EP400: variants seen among roughly 807,000 people sequenced by gnomAD.
EP400 encodes E1A-binding protein p400.
In EP400, 105 loss-of-function variants were observed where a neutral mutation model predicts 354.1. The ratio of observed to expected loss-of-function variants is 0.30; its 90% CI spans 0.25 to 0.35. EP400 has a LOEUF of 0.35. Among genes scored for constraint, EP400 ranks in the 10% least tolerant of loss-of-function variants. The pLI is 1.00. For synonymous variants in EP400, 1,646 were observed against 1,716.9 expected, an observed-to-expected ratio of 0.96 and a Z score of 1.02; for missense variants, 3,280 against 4,121.0, an observed-to-expected ratio of 0.80 and a Z score of 5.59.
chr12:131,990,769 C>T lies in EP400; in HGVS notation c.2629+55C>T. On this transcript the variant is annotated intron_variant, in intron 9 of 52. Coordinates refer to ENST00000389561, the MANE Select transcript of EP400 (RefSeq NM_015409.5). This position sits in a 1 kb window ranked among gnomAD's most constrained non-coding sequence, Gnocchi z 4.2. ...GCTTGGGTGGTATTTTGTTCGGATTCTTTTCTCAGCAGGCAGTCTCCTGGC... is the reference window on the plus strand; with the variant it reads ...GCTTGGGTGGTATTTTGTTCGGATTTTTTTCTCAGCAGGCAGTCTCCTGGC... 1 of 1,351,900 alleles carries T rather than the reference C, an allele frequency of 7.4e-7. No homozygotes were observed. The highest frequency in any genetic ancestry group is 1.5e-5 in the African/African-American group (1 of 68,620). The allele number at this position is 1,351,900 out of a possible 1,614,324, so 83.7% of individuals were successfully genotyped here. A position where few individuals can be genotyped will look rare whatever the true frequency, so the allele number is the denominator to read the frequency against.
At chr12:132,005,873 G>C (rs1369965585) in intron 13 of EP400, among the ~76,000 whole-genome samples, 2 of 152,170 alleles carry the variant, frequency 1.3e-5, no homozygotes, top group East Asian at 3.8e-4. Flanking sequence ...ACTATTTGGG[G>C]CAAATTATAC....
At chr12:132,023,266 C>G (rs1159786768) in intron 23 of EP400, among the ~76,000 whole-genome samples, 1 of 139,152 alleles carries the variant, frequency 7.2e-6, no homozygotes, top group East Asian at 2.1e-4. Context: ...GTGTGTAGCT[C>G]GGATTACAGG....
At position 132,025,182 on chromosome 12, in the gene EP400, A is replaced by G. The variant is rs1463692516; in HGVS notation, c.4856-464A>G. ...GATGACCTGGGAAACTATCTTCTCC[A>G]GAGTAAAAGAAGTCAGAAAGATGTA... On this transcript the variant is annotated intron_variant, in intron 24 of 52. Coordinates refer to ENST00000389561, the MANE Select transcript of EP400 (RefSeq NM_015409.5). The surrounding 1 kb of genome is among the most constrained non-coding windows in gnomAD (Gnocchi z 4.1). Among the ~76,000 whole-genome samples, 1 of 152,184 alleles carries G rather than the reference A, an allele frequency of 6.6e-6. No homozygotes were observed. Among genetic ancestry groups the G allele is most frequent in the Admixed American group, 6.5e-5 (1 of 15,276 alleles).
At chr12:132,005,619 C>T (rs906668536) in intron 13 of EP400, among the ~76,000 whole-genome samples, 6 of 152,110 alleles carry the variant, frequency 3.9e-5, no homozygotes, top group Non-Finnish European at 8.8e-5. Context: ...CACCTGCATG[C>T]GAGTTGGGGA....
At position 131,979,674 on chromosome 12, in the gene EP400, T is replaced by A. The variant is rs1050769530; in HGVS notation, c.1336-20T>A. ...TGGCCTTCAGTGATCAAAATCTCATTTTTTCATCTTTTTTCCCAGCAGCAA... is the reference window on the plus strand; with the variant it reads ...TGGCCTTCAGTGATCAAAATCTCATATTTTCATCTTTTTTCCCAGCAGCAA... On this transcript the variant is annotated intron_variant, in intron 2 of 52. Coordinates refer to ENST00000389561, the MANE Select transcript of EP400 (RefSeq NM_015409.5). 3.1e-6 allele frequency: 5 copies of A among 1,596,942 alleles called. No homozygotes were observed. Among genetic ancestry groups the A allele is most frequent in the Non-Finnish European group, 4.3e-6 (5 of 1,174,056 alleles).
intron 29 of EP400, among the ~76,000 whole-genome samples, chr12:132,031,070 T>C (rs1463146449): frequency 6.6e-6 from 1 of 152,188 alleles, no homozygotes; most frequent in African/African-American, 2.4e-5. Flanking sequence ...TTATAGCAAA[T>C]TATCTGTAGA....
chr12:131,990,145 G>GT lies in EP400; in HGVS notation c.2550+42dup. ...GTCATGGGGTCGTAAGAATCAGTCT[G>GT]TCGGAGCTGGTGAGGCCACTTCCCG... On this transcript the variant is annotated intron_variant, in intron 8 of 52. Transcript: ENST00000389561. This position sits in a 1 kb window ranked among gnomAD's most constrained non-coding sequence, Gnocchi z 4.2. 1 of 1,570,446 alleles carries GT rather than the reference G, an allele frequency of 6.4e-7. No homozygotes were observed.
At chr12:131,985,999 G>C (rs542810060) in intron 5 of EP400, among the ~76,000 whole-genome samples, 1 of 152,260 alleles carries the variant, frequency 6.6e-6, no homozygotes, top group Admixed American at 6.5e-5. Context: ...TGTTGAGATA[G>C]GGTCTTGCTT....
At chr12:132,071,350 C>T (rs542253853) in intron 51 of EP400, among the ~76,000 whole-genome samples, 1 of 152,158 alleles carries the variant, frequency 6.6e-6, no homozygotes, top group Non-Finnish European at 1.5e-5. Context: ...TTCATCCTAC[C>T]TGCCTTTGAC....
In EP400 at chr12:132,075,001, G is replaced by C. The variant is rs1363793133; in HGVS notation, c.9022-1515G>C. ...TCAGGTGCCACAGGAACACTGCTTG[G>C]TGTGTGGCTCAGGCTTTCACTCAGC... is the stretch of plus-strand genomic sequence containing the variant. On this transcript the variant is annotated intron_variant, in intron 51 of 52. Coordinates refer to ENST00000389561, the MANE Select transcript of EP400 (RefSeq NM_015409.5). This position sits in a 1 kb window ranked among gnomAD's most constrained non-coding sequence, Gnocchi z 4.5. Among the ~76,000 whole-genome samples the C allele has an allele frequency of 6.6e-6, 1 of 152,158 alleles. No homozygotes were observed. The highest frequency in any genetic ancestry group is 1.5e-5 in the Non-Finnish European group (1 of 68,034).
chr12:132,019,328 C>G (rs115553273), intron 21 of EP400, among the ~76,000 whole-genome samples: 16 of 152,304 alleles, frequency 1.1e-4, no homozygotes, highest in African/African-American at 3.8e-4. Flanking sequence ...AGGTGTGAGA[C>G]CACACGCCCG....
At position 132,029,945 on chromosome 12, in the gene EP400, C is replaced by T. The variant is rs7315548; in HGVS notation, c.5584+42C>T. ...GGCGTGGCCCGTGCGGGAGCTGCAC[C>T]GGCCCTGGATGATGAGGCGCTCTTG... is the stretch of plus-strand genomic sequence containing the variant. On this transcript the variant is annotated intron_variant, in intron 28 of 52. Transcript: ENST00000389561. The surrounding 1 kb of genome is among the most constrained non-coding windows in gnomAD (Gnocchi z 4.7). 245,948 of 1,611,570 alleles carry T rather than the reference C, an allele frequency of 0.15. 32,751 individuals are homozygous for T. Among genetic ancestry groups the T allele is most frequent in the African/African-American group, 0.71 (53,474 of 74,958 alleles).
intron 2 of EP400, among the ~76,000 whole-genome samples, chr12:131,975,513 TTC>T (rs1051982078): frequency 3.9e-5 from 6 of 152,136 alleles, no homozygotes; most frequent in African/African-American, 1.4e-4. Context: ...CACTTGGTTC[TTC>T]TCTCTCAATA....
intron 7 of EP400, 73 bp from the exon 8 acceptor site, chr12:131,989,887 TAAAA>T: frequency 6.5e-7 from 1 of 1,550,166 alleles, no homozygotes; most frequent in Non-Finnish European, 8.7e-7. Flanking sequence ...TGAGAAGATT[TAAAA>T]AAAGTTACAT....
intron 2 of EP400, among the ~76,000 whole-genome samples, chr12:131,978,892 G>A (rs1892577090): frequency 6.6e-6 from 1 of 152,062 alleles, no homozygotes; most frequent in Non-Finnish European, 1.5e-5. Context: ...TATATCTCAT[G>A]TAGGGTGCTA....
At chr12:132,024,052 G>C in intron 24 of EP400, 111 bp downstream of exon 24, 1 of 1,224,840 alleles carries the variant, frequency 8.2e-7, no homozygotes, top group Non-Finnish European at 1.1e-6. Context: ...GCTTTTCCCT[G>C]TGTCCGATGA....
At chr12:132,046,861 T>C (rs1281410397) in intron 39 of EP400, among the ~76,000 whole-genome samples, 1 of 152,248 alleles carries the variant, frequency 6.6e-6, no homozygotes, top group Non-Finnish European at 1.5e-5. Context: ...GGAGGTGTGC[T>C]GCCTGACTTC....
Position 132,067,467 on chromosome 12 carries a change from C to T in EP400, c.8855C>T (p.Pro2952Leu), listed in dbSNP as rs988516809. ...KAIQPQAAQG[P>L]AAVQQKITAQ... is the part of the protein sequence containing the mutation. ...ATCCAGCCCCAGGCTGCACAGGGCCCGGCAGCCGTCCAGCAGAAGGTACCG... is the reference window on the plus strand; with the variant it reads ...ATCCAGCCCCAGGCTGCACAGGGCCTGGCAGCCGTCCAGCAGAAGGTACCG... The change falls in exon 50 of 53, where the codon CCG (proline) becomes CTG (leucine). Residue 2952 changes from proline (P) to leucine (L), a missense_variant. By Grantham distance (98) the Pro-to-Leu change is moderately conservative. Coordinates refer to ENST00000389561, the MANE Select transcript of EP400 (RefSeq NM_015409.5). The surrounding 1 kb of genome is among the most constrained non-coding windows in gnomAD (Gnocchi z 5.3). 6.8e-6 allele frequency: 11 copies of T among 1,612,876 alleles called. No homozygotes were observed. The highest frequency in any genetic ancestry group is 1.8e-4 in the Middle Eastern group (1 of 5,632).
chr12:132,006,668 G>A lies in EP400; in HGVS notation c.3127-32G>A, dbSNP rs1371188899. On this transcript the variant is annotated intron_variant, in intron 14 of 52. Transcript: ENST00000389561. ...AAAGTTTGGGTGATTATTTTGACGA[G>A]CTGTCATTCTTTTATTTGTTCATCA... 3.2e-6 allele frequency: 5 copies of A among 1,547,828 alleles called. 1 individual carries two copies. In the South Asian group the frequency reaches 4.9e-5, roughly 15 times the overall value.
Sources: allele counts gnomAD v4.1 joint callset (sites outside exome capture counted in the v4.1 genomes callset), GRCh38; gene constraint gnomAD v4.1.1; non-coding constraint Gnocchi (gnomAD v3.1); transcripts MANE v1.5; gene names NCBI Gene and HGNC (gene_info 2026-07-23, HGNC 2026-07-21).